CDKN2AIPNL: variants seen among roughly 807,000 people sequenced by gnomAD.
CDKN2AIPNL encodes CDKN2AIP N-terminal-like protein.
A neutral mutation model predicts 12.9 loss-of-function variants in CDKN2AIPNL; 9 were observed. The ratio of observed to expected loss-of-function variants is 0.70; its 90% CI spans 0.42 to 1.22. The LOEUF (loss-of-function observed/expected upper bound fraction) is 1.22, where lower values mean the gene tolerates loss of function less well. Ranked by LOEUF, CDKN2AIPNL falls within the 50% of genes most tolerant of loss-of-function variation. CDKN2AIPNL has a pLI of 0.00. For synonymous variants in CDKN2AIPNL, 53 were observed against 61.7 expected (o/e 0.86, Z 0.66); for missense variants, 143 against 153.6 (o/e 0.93, Z 0.37).
chr5:134,410,888 G>T (rs1229353362), intron 1 of CDKN2AIPNL: 1 of 635,160 alleles, frequency 1.6e-6, no homozygotes, highest in African/African-American at 1.8e-5. Flanking sequence ...CTAATAGGGA[G>T]TCTCAAGATT....
At chr5:134,406,871 A>G (rs1478398982) in intron 2 of CDKN2AIPNL, among the ~76,000 whole-genome samples, 1 of 152,256 alleles carries the variant, frequency 6.6e-6, no homozygotes, top group South Asian at 2.1e-4. Context: ...CCCCTGTCTG[A>G]AAACAAAACT....
chr5:134,409,710 T>A (rs188128931), intron 2 of CDKN2AIPNL, among the ~76,000 whole-genome samples, 193 bp downstream of exon 2: 3 of 152,222 alleles, frequency 2.0e-5, no homozygotes, highest in African/African-American at 7.2e-5. Flanking sequence ...CAACAATGCA[T>A]AATTTACCAC....
intron 2 of CDKN2AIPNL, among the ~76,000 whole-genome samples, chr5:134,404,591 G>T (rs1165935039): frequency 6.6e-6 from 1 of 150,718 alleles, no homozygotes; most frequent in Admixed American, 6.6e-5. Flanking sequence ...GCTTCCCAAA[G>T]TGCTGGGATT....
chr5:134,403,180 T>C (rs1475343492), intron 2 of CDKN2AIPNL, among the ~76,000 whole-genome samples: 1 of 152,250 alleles, frequency 6.6e-6, no homozygotes, highest in East Asian at 1.9e-4. Flanking sequence ...TTTAAAGTGA[T>C]AATGGAAATG....
At chr5:134,407,049 C>G (rs542816293) in intron 2 of CDKN2AIPNL, among the ~76,000 whole-genome samples, 1 of 152,232 alleles carries the variant, frequency 6.6e-6, no homozygotes, top group Non-Finnish European at 1.5e-5. Flanking sequence ...AGTATGGCCT[C>G]TATATAGGCT....
At chr5:134,411,275 C>A (rs1759186590) in intron 1 of CDKN2AIPNL, among the ~76,000 whole-genome samples, 1 of 152,186 alleles carries the variant, frequency 6.6e-6, no homozygotes, top group South Asian at 2.1e-4. Flanking sequence ...GGCTAACGGA[C>A]TTCGAATGCA....
chr5:134,407,256 A>AC (rs1759118693), intron 2 of CDKN2AIPNL, among the ~76,000 whole-genome samples: 1 of 139,610 alleles, frequency 7.2e-6, no homozygotes, highest in Non-Finnish European at 1.5e-5. Flanking sequence ...GACCCTTCCT[A>AC]ACACACACAC....
At chr5:134,411,182 A>C in intron 1 of CDKN2AIPNL, 1 of 692,486 alleles carries the variant, frequency 1.4e-6, no homozygotes, top group Non-Finnish European at 2.6e-6. Context: ...CCCCAGGTAT[A>C]TCACTTCTCT....
At chr5:134,411,587 A>G in intron 1 of CDKN2AIPNL, 29 bp downstream of exon 1, 1 of 1,586,816 alleles carries the variant, frequency 6.3e-7, no homozygotes, top group South Asian at 1.1e-5. Flanking sequence ...GATAGGGGAC[A>G]GGATCAGCCG....
At chr5:134,407,768 CAAA>C (rs749911435) in intron 2 of CDKN2AIPNL, among the ~76,000 whole-genome samples, 7 of 85,006 alleles carry the variant, frequency 8.2e-5, no homozygotes, top group Non-Finnish European at 1.2e-4. Flanking sequence ...AACTCCATCT[CAAA>C]AAAAAAAAAA....
chr5:134,404,414 C>A (rs1759071053), intron 2 of CDKN2AIPNL, among the ~76,000 whole-genome samples: 1 of 152,324 alleles, frequency 6.6e-6, no homozygotes, highest in African/African-American at 2.4e-5. Context: ...GCTTCAACCT[C>A]CCAGGCTCAA....
At position 134,407,443 on chromosome 5, in the gene CDKN2AIPNL, T is replaced by C. The variant is rs1156506865; in HGVS notation, c.339+2460A>G. 3.3e-5 allele frequency among the ~76,000 whole-genome samples: 5 copies of C among 151,976 alleles called. No individual in the cohort carries two copies. In the East Asian group the frequency reaches 9.6e-4, roughly 29 times the overall value. On this transcript the variant is annotated intron_variant, in intron 2 of 2. Coordinates refer to ENST00000458198, the MANE Select transcript of CDKN2AIPNL (RefSeq NM_080656.3). ...GTTCAGATACCTTTCAGAAAACATATAAGACAGAGAAGTATAATGGAGAAC... is the reference window on the plus strand; with the variant it reads ...GTTCAGATACCTTTCAGAAAACATACAAGACAGAGAAGTATAATGGAGAAC...
At chr5:134,405,987 G>C (rs1175148061) in intron 2 of CDKN2AIPNL, among the ~76,000 whole-genome samples, 1 of 152,136 alleles carries the variant, frequency 6.6e-6, no homozygotes, top group East Asian at 1.9e-4. Flanking sequence ...GCCAGCAGTA[G>C]CCTAGGATGG....
At chr5:134,403,145 A>T (rs535681253) in intron 2 of CDKN2AIPNL, among the ~76,000 whole-genome samples, 1 of 152,366 alleles carries the variant, frequency 6.6e-6, no homozygotes. Flanking sequence ...CTGTCTTGTC[A>T]CTTGCAATCT....
intron 1 of CDKN2AIPNL, among the ~76,000 whole-genome samples, 176 bp from the exon 2 acceptor site, chr5:134,410,178 C>T (rs1311533708): frequency 6.6e-6 from 1 of 152,212 alleles, no homozygotes; most frequent in African/African-American, 2.4e-5. Flanking sequence ...CTCTGTCCCC[C>T]AGGTTGGAGT....
At chr5:134,407,170 T>A (rs185235525) in intron 2 of CDKN2AIPNL, among the ~76,000 whole-genome samples, 1 of 151,964 alleles carries the variant, frequency 6.6e-6, no homozygotes, top group East Asian at 1.9e-4. Flanking sequence ...GCAATGACAG[T>A]GTCAAGAATG....
intron 2 of CDKN2AIPNL, among the ~76,000 whole-genome samples, chr5:134,404,294 T>G (rs1759069531): frequency 6.6e-6 from 1 of 152,172 alleles, no homozygotes; most frequent in Non-Finnish European, 1.5e-5. Flanking sequence ...AGGTACAACT[T>G]AGACCTCTGA....
In CDKN2AIPNL at chr5:134,411,878, G is replaced by C; in HGVS notation, c.-24C>G. The C allele has an allele frequency of 6.5e-7, 1 of 1,541,618 alleles. No individual in the cohort carries two copies. The highest frequency in any genetic ancestry group is 1.9e-4 in the Middle Eastern group (1 of 5,224). ...ATGGTGCCCGCCGCAGCCGAGGACCGGATAGCCCGCCGCCTTCCCGACGCG... is the reference window on the plus strand; with the variant it reads ...ATGGTGCCCGCCGCAGCCGAGGACCCGATAGCCCGCCGCCTTCCCGACGCG... On this transcript the variant is annotated 5_prime_UTR_variant, in exon 1 of 3. Coordinates refer to ENST00000458198, the MANE Select transcript of CDKN2AIPNL (RefSeq NM_080656.3).
intron 2 of CDKN2AIPNL, among the ~76,000 whole-genome samples, chr5:134,409,242 G>A (rs369165811): frequency 2.0e-5 from 3 of 152,268 alleles, no homozygotes; most frequent in South Asian, 2.1e-4. Flanking sequence ...GAAGATAAGC[G>A]AGCAATTAAT....
Sources: allele counts gnomAD v4.1 joint callset (sites outside exome capture counted in the v4.1 genomes callset), GRCh38; gene constraint gnomAD v4.1.1; transcripts MANE v1.5; gene names NCBI Gene and HGNC (gene_info 2026-07-23, HGNC 2026-07-21).